TANC2: variants seen among roughly 807,000 people sequenced by gnomAD.
The protein encoded by TANC2 is tetratricopeptide repeat, ankyrin repeat and coiled-coil containing 2.
Under a neutral mutation model 210.5 loss-of-function variants are expected in TANC2, and 26 were observed. That is an observed-to-expected ratio of 0.12 (90% CI 0.09 to 0.17). The LOEUF is 0.17. Among genes scored for constraint, TANC2 ranks in the 10% least tolerant of loss-of-function variants. TANC2 has a pLI of 1.00. For synonymous variants in TANC2, 931 were observed against 967.1 expected (o/e 0.96, Z 0.69); for missense variants, 2,129 against 2,608.9 (o/e 0.82, Z 4.01).
chr17:63,112,970 C>T (rs754651684), intron 4 of TANC2, among the ~76,000 whole-genome samples: 4 of 152,124 alleles, frequency 2.6e-5, no homozygotes, highest in Non-Finnish European at 5.9e-5. Flanking sequence ...AATTTTTTTA[C>T]TTAATTGACC....
chr17:63,141,217 G>A (rs1054725470), intron 4 of TANC2, among the ~76,000 whole-genome samples: 1 of 151,178 alleles, frequency 6.6e-6, no homozygotes, highest in Admixed American at 6.6e-5. Context: ...AATTACAAAG[G>A]TCGAATGAGC....
chr17:63,251,753 T>C (rs146191862), intron 8 of TANC2, among the ~76,000 whole-genome samples: 1 of 152,292 alleles, frequency 6.6e-6, no homozygotes, highest in East Asian at 1.9e-4. Context: ...TTTAAGGTCA[T>C]TGTACTTCTA....
At chr17:63,096,328 C>T (rs899210259) in intron 3 of TANC2, among the ~76,000 whole-genome samples, 1 of 152,056 alleles carries the variant, frequency 6.6e-6, no homozygotes, top group African/African-American at 2.4e-5. Flanking sequence ...AAAAGTTAAT[C>T]CTAATAAAAT....
In TANC2 at chr17:63,092,514, G is replaced by T. The variant is rs12937801; in HGVS notation, c.140-6661G>T. On this transcript the variant is annotated intron_variant, in intron 3 of 27. Transcript: ENST00000689528. ...TTGCTATAAAGAAATACCTGAGACT[G>T]GGTAGTATATAAAGAAAAGAGGTTT... 4.3e-3 allele frequency among the ~76,000 whole-genome samples: 659 copies of T among 152,092 alleles called. 6 individuals carry two copies. The highest frequency in any genetic ancestry group is 6.8e-3 in the Middle Eastern group (2 of 294).
intron 9 of TANC2, among the ~76,000 whole-genome samples, chr17:63,289,084 G>A (rs188944035): frequency 6.6e-6 from 1 of 152,192 alleles, no homozygotes; most frequent in East Asian, 1.9e-4. Flanking sequence ...TATAGATGAG[G>A]CATTTTAAAA....
intron 1 of TANC2, among the ~76,000 whole-genome samples, chr17:63,005,690 T>C (rs1462019407): frequency 6.6e-6 from 1 of 151,654 alleles, no homozygotes; most frequent in Non-Finnish European, 1.5e-5. Context: ...TTTCTGTGTC[T>C]ATGTTCATGA....
chr17:63,099,487 T>C (rs1343818034), intron 4 of TANC2, 130 bp downstream of exon 4: 1 of 476,422 alleles, frequency 2.1e-6, no homozygotes, highest in Non-Finnish European at 3.1e-6. Flanking sequence ...CACAGACTCT[T>C]GACACTAAAA....
Position 63,418,487 on chromosome 17 carries a change from CA to C in TANC2, c.4268+81del, listed in dbSNP as rs1318117906. The stretch of plus-strand genomic sequence containing the variant: ...CAAGGCAGCGTCGGCCACCCTGGGG[CA>C]TATGTACCCAAATACATCTCTGTCC... On this transcript the variant is annotated intron_variant, in intron 27 of 27. Transcript: ENST00000689528. The surrounding 1 kb of genome is among the most constrained non-coding windows in gnomAD (Gnocchi z 4.6). 1.6e-6 allele frequency: 2 copies of C among 1,221,604 alleles called. No homozygotes were observed. Among genetic ancestry groups the C allele is most frequent in the Non-Finnish European group, 2.3e-6 (2 of 860,494 alleles). The allele number at this position is 1,221,604 out of a possible 1,614,324, so 75.7% of individuals were successfully genotyped here.
chr17:63,056,172 G>GT (rs1282862868), intron 2 of TANC2, among the ~76,000 whole-genome samples: 3 of 109,556 alleles, frequency 2.7e-5, no homozygotes, highest in East Asian at 2.6e-4. Context: ...GAGACTCTGT[G>GT]TTAAAAAAAA....
At position 63,418,013 on chromosome 17, in the gene TANC2, G is replaced by A. The variant is rs1442448106; in HGVS notation, c.4168-294G>A. On this transcript the variant is annotated intron_variant, in intron 26 of 27. Coordinates refer to ENST00000689528, the Ensembl canonical transcript of TANC2. The surrounding 1 kb of genome is among the most constrained non-coding windows in gnomAD (Gnocchi z 4.6). Reference sequence around the variant, plus strand: ...AGGAGCTTCACTGGAAAGGGTTGGTGTTTGGCTTCCGGGCTGAGAACTTTA... The same window carrying A: ...AGGAGCTTCACTGGAAAGGGTTGGTATTTGGCTTCCGGGCTGAGAACTTTA... 1.3e-5 allele frequency among the ~76,000 whole-genome samples: 2 copies of A among 152,220 alleles called. No homozygotes were observed. Among genetic ancestry groups the A allele is most frequent in the African/African-American group, 4.8e-5 (2 of 41,460 alleles).
At chr17:62,969,571 T>C (rs2031568157) in intron 1 of TANC2, among the ~76,000 whole-genome samples, 1 of 152,234 alleles carries the variant, frequency 6.6e-6, no homozygotes, top group Admixed American at 6.5e-5. Context: ...TTTTAACTTA[T>C]TTCTGGGATT....
At chr17:63,233,105 C>G (rs992751460) in intron 7 of TANC2, among the ~76,000 whole-genome samples, 1 of 152,186 alleles carries the variant, frequency 6.6e-6, no homozygotes, top group East Asian at 1.9e-4. Context: ...CTCCCTGGCA[C>G]CAGTAGGGGA....
At chr17:62,981,959 G>C (rs241080) in intron 1 of TANC2, among the ~76,000 whole-genome samples, 1 of 152,044 alleles carries the variant, frequency 6.6e-6, no homozygotes, top group Non-Finnish European at 1.5e-5. Flanking sequence ...CACCCTCCTG[G>C]CACAAAGACA....
chr17:63,056,901 A>G (rs529608629), intron 2 of TANC2, among the ~76,000 whole-genome samples: 21 of 151,908 alleles, frequency 1.4e-4, no homozygotes, highest in South Asian at 8.3e-4. Context: ...TTTCCCTTTT[A>G]TTGTTTAGGA....
intron 9 of TANC2, among the ~76,000 whole-genome samples, chr17:63,280,696 G>A (rs1345636673): frequency 6.6e-6 from 1 of 151,998 alleles, no homozygotes; most frequent in Non-Finnish European, 1.5e-5. Flanking sequence ...TTTATTAGCA[G>A]AAATCTGATA....
At chr17:63,087,335 C>T (rs1404319327) in intron 3 of TANC2, among the ~76,000 whole-genome samples, 1 of 152,188 alleles carries the variant, frequency 6.6e-6, no homozygotes, top group African/African-American at 2.4e-5. Flanking sequence ...GAAAAGGAAG[C>T]ATCTAAGTAC....
chr17:63,059,131 TTA>T (rs954099761), intron 2 of TANC2, among the ~76,000 whole-genome samples: 21 of 152,180 alleles, frequency 1.4e-4, no homozygotes, highest in African/African-American at 5.1e-4. Context: ...ATTAATTTTT[TTA>T]TGTTTTTTTT....
intron 8 of TANC2, among the ~76,000 whole-genome samples, chr17:63,262,308 T>C (rs183091366): frequency 6.6e-6 from 1 of 152,278 alleles, no homozygotes; most frequent in East Asian, 1.9e-4. Flanking sequence ...GCCTCCCAAG[T>C]AGCTAGCACT....
chr17:63,089,536 G>T (rs1435227902), intron 3 of TANC2, among the ~76,000 whole-genome samples: 1 of 152,038 alleles, frequency 6.6e-6, no homozygotes, highest in Non-Finnish European at 1.5e-5. Flanking sequence ...TGTAGACCGT[G>T]GTAAGGATTT....
Sources: gnomAD v4.1 joint callset for allele counts (sites outside exome capture counted in the v4.1 genomes callset) on GRCh38, gnomAD v4.1.1 for gene constraint, Gnocchi (gnomAD v3.1) non-coding constraint, MANE v1.5 for transcripts, NCBI Gene and HGNC (gene_info 2026-07-23, HGNC 2026-07-21) for gene names.